The following RNASEH2B variants were observed in gnomAD, a reference collection of about 807,000 sequenced individuals.
RNASEH2B encodes ribonuclease H2 subunit B.
A neutral mutation model predicts 45.0 loss-of-function variants in RNASEH2B; 36 were observed. The observed-to-expected ratio is 0.80, with a 90% CI of 0.61 to 1.06. RNASEH2B has a LOEUF of 1.06. Among genes scored for constraint, RNASEH2B ranks in the 50% least tolerant of loss-of-function variants. The pLI, the probability that RNASEH2B is intolerant of heterozygous loss-of-function variation, is 0.00. For missense variants in RNASEH2B, 361 were observed against 360.3 expected (o/e 1.00, Z -0.02); for synonymous variants, 119 against 125.7 (o/e 0.95, Z 0.35).
At chr13:50,949,363 G>C in intron 8 of RNASEH2B, 100 bp from the exon 9 acceptor site, 1 of 1,023,442 alleles carries the variant, frequency 9.8e-7, no homozygotes, top group Non-Finnish European at 1.5e-6. Flanking sequence ...AAAGCTGTAA[G>C]TTGAAAAGTA....
At chr13:50,929,698 C>A in intron 3 of RNASEH2B, 116 bp downstream of exon 3, 2 of 721,646 alleles carry the variant, frequency 2.8e-6, no homozygotes, top group Non-Finnish European at 5.1e-6. Context: ...CTGGTTTAGC[C>A]TTCCTTGGCA....
chr13:50,966,806 C>T (rs1007845099), intron 9 of RNASEH2B, among the ~76,000 whole-genome samples: 3 of 152,084 alleles, frequency 2.0e-5, no homozygotes, highest in African/African-American at 7.2e-5. Flanking sequence ...TAAGTGAGAA[C>T]CTAAAGTGTA....
chr13:50,940,538 AC>A (rs1951821191), intron 5 of RNASEH2B, among the ~76,000 whole-genome samples: 4 of 151,806 alleles, frequency 2.6e-5, no homozygotes, highest in Admixed American at 6.6e-5. Context: ...TATACTTCCT[AC>A]CTCCCATGGG....
chr13:50,956,858 T>G, downstream of RNASEH2B: 2 of 528,186 alleles, frequency 3.8e-6, no homozygotes, highest in Non-Finnish European at 4.9e-6. Flanking sequence ...TACAAAACTG[T>G]GAGGTAAATT....
In RNASEH2B at chr13:50,955,608, A is replaced by G. The variant is rs185431844; in HGVS notation, c.823-750A>G. 1.3e-3 allele frequency: 197 copies of G among 152,312 alleles called. 1 individual carries two copies. Among genetic ancestry groups the G allele is most frequent in the African/African-American group, 4.3e-3 (179 of 41,568 alleles). 9.4% of individuals were successfully genotyped at this position (152,312 alleles called of 1,614,324 possible). On this transcript the variant is annotated intron_variant, in intron 10 of 10. Transcript: ENST00000336617. ...CTGTGCCTCTAAAAAATACTTTATC[A>G]ATGACTTTGTCTTACAGTTCCCAGG...
chr13:50,957,006 T>C (rs1289280452), downstream of RNASEH2B, among the ~76,000 whole-genome samples: 1 of 151,790 alleles, frequency 6.6e-6, no homozygotes, highest in East Asian at 1.9e-4. Context: ...AATAAGAACT[T>C]CAATCTCCCA....
chr13:50,949,560 T>TA, intron 9 of RNASEH2B, 55 bp downstream of exon 9: 1 of 1,480,440 alleles, frequency 6.8e-7, no homozygotes. Context: ...ATTACACTCT[T>TA]ACCACATGAG....
intron 4 of RNASEH2B, among the ~76,000 whole-genome samples, chr13:50,932,160 A>G (rs1036800626): frequency 1.3e-5 from 2 of 152,202 alleles, no homozygotes. Flanking sequence ...CACTTCGTTC[A>G]TATTCTGCCT....
intron 1 of RNASEH2B, among the ~76,000 whole-genome samples, chr13:50,919,112 CA>C (rs1233745447): frequency 6.6e-6 from 1 of 152,054 alleles, no homozygotes; most frequent in African/African-American, 2.4e-5. Context: ...GAACAATTGG[CA>C]AAAATCACTT....
intron 1 of RNASEH2B, among the ~76,000 whole-genome samples, chr13:50,924,594 T>C (rs1295144847): frequency 6.6e-6 from 1 of 152,230 alleles, no homozygotes; most frequent in Non-Finnish European, 1.5e-5. Flanking sequence ...AGTCTCAGTC[T>C]GTCACCCAGG....
intron 3 of RNASEH2B, among the ~76,000 whole-genome samples, chr13:50,930,329 C>T (rs1951661344): frequency 6.6e-6 from 1 of 152,190 alleles, no homozygotes; most frequent in African/African-American, 2.4e-5. Context: ...GGTTCCCTAA[C>T]ATTGCCGTCT....
chr13:50,927,434 T>G lies in RNASEH2B; in HGVS notation c.92T>G (p.Met31Arg). The G allele has an allele frequency of 6.2e-7, 1 of 1,601,226 alleles. No individual in the cohort carries two copies. Among genetic ancestry groups the G allele is most frequent in the South Asian group, 1.1e-5 (1 of 90,792 alleles). Residue 31 changes from methionine to arginine, a missense_variant, in exon 2 of 11, where the codon ATG (methionine) becomes AGG (arginine). Coordinates refer to ENST00000336617, the MANE Select transcript of RNASEH2B (RefSeq NM_024570.4). Reference sequence around the variant, plus strand: ...TATTTAAAAGATGCTTCAAAGAAGATGAAAAATGGGCTAATGTTTGTAAAA... The same window carrying G: ...TATTTAAAAGATGCTTCAAAGAAGAGGAAAAATGGGCTAATGTTTGTAAAA... ...SEYLKDASKK[M>R]KNGLMFVKLV...
chr13:50,964,593 C>T (rs1047939994), intron 9 of RNASEH2B, among the ~76,000 whole-genome samples: 1 of 152,206 alleles, frequency 6.6e-6, no homozygotes, highest in Non-Finnish European at 1.5e-5. Flanking sequence ...CTGTACCATT[C>T]AAGCTTGTGT....
intron 1 of RNASEH2B, among the ~76,000 whole-genome samples, chr13:50,923,701 G>T (rs754386433): frequency 1.3e-5 from 2 of 152,108 alleles, no homozygotes; most frequent in African/African-American, 4.8e-5. Flanking sequence ...AAAGGATAAG[G>T]CACTAGATGA....
intron 6 of RNASEH2B, 36 bp downstream of exon 6, chr13:50,943,430 A>G (rs1951858621): frequency 4.9e-6 from 7 of 1,429,036 alleles, no homozygotes; most frequent in Non-Finnish European, 6.9e-6. Flanking sequence ...GGTAAAAGTA[A>G]AAATTCAGTT....
At chr13:50,921,529 G>C (rs1285785043) in intron 1 of RNASEH2B, among the ~76,000 whole-genome samples, 1 of 152,308 alleles carries the variant, frequency 6.6e-6, no homozygotes, top group East Asian at 1.9e-4. Context: ...TCCATGAAAT[G>C]ACCCAGGATT....
intron 9 of RNASEH2B, among the ~76,000 whole-genome samples, chr13:50,969,470 AC>A (rs1235794776): frequency 6.7e-6 from 1 of 150,038 alleles, no homozygotes; most frequent in East Asian, 2.0e-4. Flanking sequence ...TATTTTTTAT[AC>A]ATTGGAGTCT....
intron 4 of RNASEH2B, among the ~76,000 whole-genome samples, chr13:50,931,608 A>G (rs960103419): frequency 6.6e-6 from 1 of 152,194 alleles, no homozygotes; most frequent in African/African-American, 2.4e-5. Context: ...GTCTGTTTCC[A>G]TATGTTATTT....
chr13:50,920,957 A>G (rs1320634311), intron 1 of RNASEH2B, among the ~76,000 whole-genome samples: 2 of 152,174 alleles, frequency 1.3e-5, no homozygotes, highest in Non-Finnish European at 2.9e-5. Flanking sequence ...ATTTTCTTGG[A>G]AGACTAATTG....
Sources: allele counts gnomAD v4.1 joint callset (sites outside exome capture counted in the v4.1 genomes callset), GRCh38; gene constraint gnomAD v4.1.1; transcripts MANE v1.5; gene names NCBI Gene and HGNC (gene_info 2026-07-23, HGNC 2026-07-21).